BTBD9: variants seen among roughly 807,000 people sequenced by gnomAD.
BTBD9 encodes the protein BTB domain containing 9.
In BTBD9, 49 loss-of-function variants were observed where a neutral mutation model predicts 64.3. The ratio of observed to expected loss-of-function variants is 0.76; its 90% CI spans 0.61 to 0.97. The LOEUF is 0.97. BTBD9 is among the 50% of genes least tolerant of loss of function. BTBD9 has a pLI of 0.00. For missense variants in BTBD9, 598 were observed against 762.1 expected (o/e 0.78, Z 2.53); for synonymous variants, 260 against 274.7 (o/e 0.95, Z 0.53).
chr6:38,306,678 C>T (rs1012980588), intron 7 of BTBD9, among the ~76,000 whole-genome samples: 2 of 152,128 alleles, frequency 1.3e-5, no homozygotes, highest in Non-Finnish European at 2.9e-5. Context: ...TTTTAAAAGG[C>T]AGTATTACTT....
At chr6:38,488,850 A>T (rs1038478485) in intron 6 of BTBD9, among the ~76,000 whole-genome samples, 4 of 152,010 alleles carry the variant, frequency 2.6e-5, no homozygotes, top group African/African-American at 9.7e-5. Context: ...TAATCTCTCC[A>T]TCCAATAATA....
intron 2 of BTBD9, among the ~76,000 whole-genome samples, chr6:38,595,275 G>A (rs969384624): frequency 2.0e-5 from 3 of 152,114 alleles, no homozygotes; most frequent in African/African-American, 7.2e-5. Context: ...GTATTAGATG[G>A]CTGGGAGACA....
chr6:38,593,814 T>C, intron 3 of BTBD9, 150 bp downstream of exon 3: 2 of 663,912 alleles, frequency 3.0e-6, no homozygotes, highest in Non-Finnish European at 5.0e-6. Context: ...TCCTGGTAGC[T>C]AGATGCAAGT....
intron 6 of BTBD9, among the ~76,000 whole-genome samples, chr6:38,471,821 C>T (rs1057058229): frequency 1.3e-5 from 2 of 152,174 alleles, no homozygotes; most frequent in African/African-American, 2.4e-5. Flanking sequence ...TATGTCTCTT[C>T]ATTACCAAAA....
chr6:38,600,078 G>A (rs1273117682), intron 1 of BTBD9, among the ~76,000 whole-genome samples: 4 of 152,206 alleles, frequency 2.6e-5, no homozygotes, highest in African/African-American at 7.2e-5. Flanking sequence ...ATCTATTTGA[G>A]AGTATGAGCA....
chr6:38,622,551 A>G (rs546988022), intron 1 of BTBD9, among the ~76,000 whole-genome samples: 1 of 152,316 alleles, frequency 6.6e-6, no homozygotes, highest in Admixed American at 6.5e-5. Context: ...TGATAGGACC[A>G]AAAATACCCT....
At position 38,172,540 on chromosome 6, in the gene BTBD9, A is replaced by T. The variant is rs1434120735; in HGVS notation, c.*2445T>A. The stretch of plus-strand genomic sequence containing the variant: ...CAGTACCCCTCCAGCCTGGGAAAGG[A>T]GGTGAACCCGTGTCCTTTTGGAGTC... On this transcript the variant is annotated 3_prime_UTR_variant, in exon 11 of 11. Transcript: ENST00000481247. 2.6e-5 allele frequency: 4 copies of T among 152,228 alleles called. No individual in the cohort carries two copies. The highest frequency in any genetic ancestry group is 5.9e-5 in the Non-Finnish European group (4 of 68,062). The allele number at this position is 152,228 out of a possible 1,614,324, so 9.4% of individuals were successfully genotyped here.
intron 7 of BTBD9, among the ~76,000 whole-genome samples, chr6:38,324,695 T>C (rs1763356393): frequency 6.6e-6 from 1 of 152,188 alleles, no homozygotes; most frequent in Non-Finnish European, 1.5e-5. Context: ...AAGGGCTCTT[T>C]TGTACTCCTG....
At chr6:38,319,019 G>T (rs1763133064) in intron 7 of BTBD9, among the ~76,000 whole-genome samples, 2 of 152,186 alleles carry the variant, frequency 1.3e-5, no homozygotes, top group African/African-American at 2.4e-5. Context: ...AGCCAGAGGG[G>T]TCTCTCCTCA....
intron 6 of BTBD9, among the ~76,000 whole-genome samples, chr6:38,531,902 T>G (rs1773817273): frequency 6.6e-6 from 1 of 152,166 alleles, no homozygotes; most frequent in Non-Finnish European, 1.5e-5. Flanking sequence ...AAGGCTCCAC[T>G]GATTACCCCC....
At chr6:38,607,380 A>G (rs1198187655) in intron 1 of BTBD9, among the ~76,000 whole-genome samples, 1 of 152,204 alleles carries the variant, frequency 6.6e-6, no homozygotes, top group East Asian at 1.9e-4. Context: ...ATGCATGTTC[A>G]TATGTTCATA....
intron 9 of BTBD9, among the ~76,000 whole-genome samples, chr6:38,209,990 C>T (rs913348467): frequency 3.9e-5 from 6 of 152,282 alleles, no homozygotes; most frequent in Admixed American, 3.9e-4. Context: ...CCCGCCAGCT[C>T]CTCATATTCT....
At chr6:38,204,651 TA>T (rs766539138) in intron 9 of BTBD9, among the ~76,000 whole-genome samples, 3 of 152,180 alleles carry the variant, frequency 2.0e-5, no homozygotes, top group Non-Finnish European at 4.4e-5. Context: ...ACTCTGTGAA[TA>T]TACTAAAGCC....
At chr6:38,398,579 T>C (rs1252911595) in intron 6 of BTBD9, among the ~76,000 whole-genome samples, 5 of 152,198 alleles carry the variant, frequency 3.3e-5, no homozygotes, top group East Asian at 1.9e-4. Flanking sequence ...CGCCATCCTC[T>C]GTCTACCTGC....
chr6:38,419,511 G>A (rs1379207044), intron 6 of BTBD9, among the ~76,000 whole-genome samples: 1 of 152,168 alleles, frequency 6.6e-6, no homozygotes, highest in East Asian at 1.9e-4. Context: ...AAAAGAATCA[G>A]AATATCATCT....
chr6:38,281,448 T>A (rs867594519), intron 8 of BTBD9, among the ~76,000 whole-genome samples: 21 of 152,344 alleles, frequency 1.4e-4, no homozygotes, highest in South Asian at 2.1e-4. Context: ...TATTATTATT[T>A]TTTTAGGATC....
chr6:38,541,353 G>C (rs1302723528), intron 6 of BTBD9, among the ~76,000 whole-genome samples: 2 of 152,176 alleles, frequency 1.3e-5, no homozygotes, highest in Non-Finnish European at 2.9e-5. Flanking sequence ...TTTGAGGAAA[G>C]AAGGGAAGGG....
intron 9 of BTBD9, among the ~76,000 whole-genome samples, chr6:38,199,215 G>A (rs775719499): frequency 1.3e-5 from 2 of 152,120 alleles, no homozygotes; most frequent in Non-Finnish European, 2.9e-5. Flanking sequence ...GAGAGCAAAG[G>A]AGTTACATGG....
chr6:38,326,757 CAA>C (rs398001240), intron 7 of BTBD9, among the ~76,000 whole-genome samples: 5 of 123,502 alleles, frequency 4.0e-5, no homozygotes. Context: ...AGAATCACTG[CAA>C]AAAAAAAAAA....
Sources: allele counts gnomAD v4.1 joint callset (sites outside exome capture counted in the v4.1 genomes callset), GRCh38; gene constraint gnomAD v4.1.1; transcripts MANE v1.5; gene names NCBI Gene and HGNC (gene_info 2026-07-23, HGNC 2026-07-21).